Variants in PDIA4 observed in about 807,000 individuals in gnomAD.
PDIA4 encodes protein disulfide isomerase family A member 4.
A neutral mutation model predicts 62.1 loss-of-function variants in PDIA4; 33 were observed. That is an observed-to-expected ratio of 0.53 (90% CI 0.40 to 0.71). The LOEUF is 0.71. PDIA4 is among the 30% of genes least tolerant of loss of function. The probability of loss-of-function intolerance (pLI) is 0.00; values close to 1 mark genes in which losing one functional copy is unlikely to be tolerated. For missense variants in PDIA4, 804 were observed against 813.6 expected (o/e 0.99, Z 0.14); for synonymous variants, 341 against 324.1 (o/e 1.05, Z -0.56).
At position 149,005,261 on chromosome 7, in the gene PDIA4, T is replaced by G. The variant is rs758170854; in HGVS notation, c.1402A>C (p.Ser468Arg). Residue 468 changes from serine to arginine, a missense_variant, in exon 9 of 10, where the codon AGC (serine) becomes CGC (arginine). Physicochemically the swap from Ser to Arg is moderately radical, Grantham distance 110 (BLOSUM62 -1). Coordinates refer to ENST00000652332, the MANE Select transcript of PDIA4 (RefSeq NM_004911.5). Reference protein sequence around the residue: ...YAGEVKDLGLSESGEDVNAAI... With the variant: ...YAGEVKDLGLRESGEDVNAAI... ...GCATTGACATCCTCCCCACTCTCGC[T>G]GAGCCCCAGGTCCTTCACCTCCCCA... 1 of 1,614,182 alleles carries G rather than the reference T, an allele frequency of 6.2e-7. No individual in the cohort carries two copies. Among genetic ancestry groups the G allele is most frequent in the Admixed American group, 1.7e-5 (1 of 60,018 alleles).
At chr7:149,006,137 A>T in intron 7 of PDIA4, 84 bp from the exon 8 acceptor site, 1 of 1,428,322 alleles carries the variant, frequency 7.0e-7, no homozygotes, top group Non-Finnish European at 9.2e-7. Context: ...ACTTTGGGGG[A>T]GTGGCGACTT....
Position 149,005,271 on chromosome 7 carries a change from G to A in PDIA4, c.1392C>T (p.Asp464=), listed in dbSNP as rs373542803. The part of the protein sequence containing the change: ...DEEDYAGEVK[D]LGLSESGEDV... ...CCTCCCCACTCTCGCTGAGCCCCAG[G>A]TCCTTCACCTCCCCAGCATAGTCCT... The change falls in exon 9 of 10, where the codon GAC becomes GAT. Residue 464 remains aspartate (D), a synonymous_variant. Coordinates refer to ENST00000652332, the MANE Select transcript of PDIA4 (RefSeq NM_004911.5). 1 of 1,614,024 alleles carries A rather than the reference G, an allele frequency of 6.2e-7. No homozygotes were observed. Among genetic ancestry groups the A allele is most frequent in the Admixed American group, 1.7e-5 (1 of 60,002 alleles).
rs992098202 is a variant in PDIA4, at chr7:149,006,189, G to A, written c.1132-136C>T. The stretch of plus-strand genomic sequence containing the variant: ...TAGGAGGCAAAACACCCCAGGGCTC[G>A]ACCCCACTCAAGCACAGCCCAGTCA... On this transcript the variant is annotated intron_variant, in intron 7 of 9. Transcript: ENST00000652332. 183 of 792,496 alleles carry A rather than the reference G, an allele frequency of 2.3e-4. 1 individual carries two copies. The East Asian group carries it at 5.2e-3, about 22-fold the overall frequency. 49.1% of individuals were successfully genotyped at this position (792,496 alleles called of 1,614,324 possible).
intron 3 of PDIA4, among the ~76,000 whole-genome samples, chr7:149,015,550 A>C (rs1388664378): frequency 6.6e-6 from 1 of 151,970 alleles, no homozygotes; most frequent in Non-Finnish European, 1.5e-5. Flanking sequence ...CCCATTGCTC[A>C]AGGTGCAGTG....
At chr7:149,026,451 C>G (rs542886299) in intron 1 of PDIA4, among the ~76,000 whole-genome samples, 1 of 152,216 alleles carries the variant, frequency 6.6e-6, no homozygotes, top group East Asian at 1.9e-4. Context: ...GAGATCGAGA[C>G]CATCCCGGTT....
chr7:149,017,645 C>T (rs903323933), intron 3 of PDIA4, among the ~76,000 whole-genome samples: 3 of 140,634 alleles, frequency 2.1e-5, no homozygotes, highest in African/African-American at 9.2e-5. Flanking sequence ...AAATTAAATA[C>T]ATTTTATCAA....
intron 2 of PDIA4, among the ~76,000 whole-genome samples, chr7:149,019,821 T>G (rs545082673): frequency 1.3e-5 from 2 of 152,296 alleles, no homozygotes; most frequent in African/African-American, 4.8e-5. Context: ...AAAAAAATTT[T>G]TTTTTAATTT....
intron 7 of PDIA4, 118 bp from the exon 8 acceptor site, chr7:149,006,171 C>A: frequency 9.8e-7 from 1 of 1,018,816 alleles, no homozygotes; most frequent in Non-Finnish European, 1.4e-6. Context: ...TCTTAGGAGG[C>A]AAAACACCCC....
chr7:149,008,274 G>C lies in PDIA4; in HGVS notation c.1016C>G (p.Thr339Ser). The C allele has an allele frequency of 1.2e-6, 2 of 1,613,996 alleles. No homozygotes were observed. The highest frequency in any genetic ancestry group is 8.5e-7 in the Non-Finnish European group (1 of 1,179,930). ...GAACTTTGCTATTTCTGTGCTGAAA[G>C]TGTGGTGAAATTTGTAATCTTCTCT... is the stretch of plus-strand genomic sequence containing the variant. ...NLREDYKFHH[T>S]FSTEIAKFLK... Residue 339 changes from threonine to serine, a missense_variant, in exon 7 of 10, where the codon ACT becomes AGT. Transcript: ENST00000652332.
chr7:149,009,029 C>G (rs1823855622), intron 6 of PDIA4, among the ~76,000 whole-genome samples: 1 of 152,126 alleles, frequency 6.6e-6, no homozygotes, highest in African/African-American at 2.4e-5. Context: ...AAGTTCAAGC[C>G]AATTCTCCTT....
At chr7:149,010,045 G>A (rs1018243512) in intron 6 of PDIA4, among the ~76,000 whole-genome samples, 1 of 152,170 alleles carries the variant, frequency 6.6e-6, no homozygotes, top group African/African-American at 2.4e-5. Context: ...CAGGGGATGG[G>A]GGGGCAGCCT....
At position 149,005,385 on chromosome 7, in the gene PDIA4, C is replaced by A; in HGVS notation, c.1289-11G>T. On this transcript the variant is annotated splice_polypyrimidine_tract_variant and intron_variant, in intron 8 of 9. Transcript: ENST00000652332. ...GCCAAAACTGAGTTGCTGAAAGGGA[C>A]CAAGGGCCATAAGCCAGGCGGCCAC... 6.3e-7 allele frequency: 1 copy of A among 1,595,602 alleles called. No individual in the cohort carries two copies.
intron 3 of PDIA4, among the ~76,000 whole-genome samples, chr7:149,017,955 C>T (rs576608552): frequency 8.5e-5 from 13 of 152,244 alleles, no homozygotes; most frequent in African/African-American, 2.2e-4. Flanking sequence ...ATTGGGCGGG[C>T]GTGGTGGTTC....
intron 4 of PDIA4, among the ~76,000 whole-genome samples, 170 bp downstream of exon 4, chr7:149,014,734 A>G (rs1824070259): frequency 1.3e-5 from 2 of 152,048 alleles, no homozygotes; most frequent in Non-Finnish European, 2.9e-5. Flanking sequence ...CTCCCCCAAC[A>G]GCTCTCTTAC....
Position 149,006,154 on chromosome 7 carries a change from G to C in PDIA4, c.1132-101C>G, listed in dbSNP as rs561315018. 1.3e-5 allele frequency: 17 copies of C among 1,285,948 alleles called. No homozygotes were observed. The African/African-American group carries it at 1.8e-4, about 13-fold the overall frequency. 79.7% of individuals were successfully genotyped at this position (1,285,948 alleles called of 1,614,324 possible). A position where few individuals can be genotyped will look rare whatever the true frequency, so the allele number is the denominator to read the frequency against. Reference sequence around the variant, plus strand: ...TTTGGGGGAGTGGCGACTTTGAAGGGGATCAGTCTTAGGAGGCAAAACACC... The same window carrying C: ...TTTGGGGGAGTGGCGACTTTGAAGGCGATCAGTCTTAGGAGGCAAAACACC... On this transcript the variant is annotated intron_variant, in intron 7 of 9. Coordinates refer to ENST00000652332, the MANE Select transcript of PDIA4 (RefSeq NM_004911.5).
intron 1 of PDIA4, among the ~76,000 whole-genome samples, chr7:149,024,317 C>T (rs1405757714): frequency 2.9e-5 from 2 of 69,368 alleles, no homozygotes. Context: ...TAATTAAGGA[C>T]TCTCAAGGCC....
chr7:149,013,707 A>C (rs1047396113), intron 4 of PDIA4, among the ~76,000 whole-genome samples: 2 of 152,106 alleles, frequency 1.3e-5, no homozygotes, highest in African/African-American at 4.8e-5. Context: ...AAAAAAACAA[A>C]CAACCTCCCA....
chr7:149,021,529 C>T (rs1474299239), intron 1 of PDIA4, among the ~76,000 whole-genome samples: 5 of 145,292 alleles, frequency 3.4e-5, no homozygotes, highest in African/African-American at 5.1e-5. Context: ...AAAATTCATA[C>T]ACTTCAGAAT....
intron 3 of PDIA4, among the ~76,000 whole-genome samples, chr7:149,015,492 C>CAAAAA (rs34656815): frequency 1.9e-5 from 2 of 104,418 alleles, no homozygotes; most frequent in African/African-American, 3.6e-5. Context: ...AAGATGTATG[C>CAAAAA]AAAAAAAAAA....
Sources: gnomAD v4.1 joint callset for allele counts (sites outside exome capture counted in the v4.1 genomes callset) on GRCh38, gnomAD v4.1.1 for gene constraint, MANE v1.5 for transcripts, NCBI Gene and HGNC (gene_info 2026-07-23, HGNC 2026-07-21) for gene names.